JPH3: variants seen among roughly 807,000 people sequenced by gnomAD.
JPH3 encodes junctophilin-3.
A neutral mutation model predicts 59.6 loss-of-function variants in JPH3; 11 were observed. That is an observed-to-expected ratio of 0.18 (90% CI 0.12 to 0.31). The LOEUF is 0.31. Among genes scored for constraint, JPH3 ranks in the 10% least tolerant of loss-of-function variants. The pLI is 1.00. For synonymous variants in JPH3, 673 were observed against 483.6 expected (o/e 1.39, Z -5.14); for missense variants, 1,202 against 1,105.7 (o/e 1.09, Z -1.24).
chr16:87,659,403 A>C (rs1650689903), intron 2 of JPH3, among the ~76,000 whole-genome samples: 2 of 145,440 alleles, frequency 1.4e-5, no homozygotes, highest in Admixed American at 1.4e-4. Flanking sequence ...AAAAAAGAAA[A>C]CTACACACAC....
intron 1 of JPH3, among the ~76,000 whole-genome samples, chr16:87,638,100 A>G (rs1331093834): frequency 6.6e-6 from 1 of 151,970 alleles, no homozygotes; most frequent in Non-Finnish European, 1.5e-5. Context: ...TTATAGTTTT[A>G]GTGAAGATGA....
At chr16:87,616,190 T>TGTG (rs2030950727) in intron 1 of JPH3, among the ~76,000 whole-genome samples, 8 of 116,048 alleles carry the variant, frequency 6.9e-5, no homozygotes, top group African/African-American at 2.1e-4. Context: ...CAATCTGGTT[T>TGTG]TGTGTGTGTG....
rs569623845 is a variant in JPH3, at chr16:87,644,426, C to T, written c.551C>T (p.Ala184Val). The change falls in exon 2 of 5, where the codon GCG (alanine) becomes GTG (valine). Residue 184 changes from alanine (A) to valine (V), a missense_variant. Coordinates refer to ENST00000284262, the MANE Select transcript of JPH3 (RefSeq NM_020655.4). ...GTALHPDASP[A>V]VAGSPAVSRG... ...GCGCTGCATCCCGACGCCTCTCCGG[C>T]GGTGGCCGGCAGCCCGGCCGTGTCC... 6.3e-5 allele frequency: 102 copies of T among 1,612,046 alleles called. No homozygotes were observed. The highest frequency in any genetic ancestry group is 2.7e-4 in the Admixed American group (16 of 59,968).
intron 2 of JPH3, among the ~76,000 whole-genome samples, chr16:87,675,256 CTT>C (rs2150869073): frequency 6.8e-6 from 1 of 147,996 alleles, no homozygotes; most frequent in Admixed American, 6.8e-5. Flanking sequence ...CTGGAGCTCT[CTT>C]CCCCTTGCCA....
At position 87,697,174 on chromosome 16, in the gene JPH3, G is replaced by T. The variant is rs1316372958; in HGVS notation, c.*514G>T. On this transcript the variant is annotated 3_prime_UTR_variant, in exon 5 of 5. Coordinates refer to ENST00000284262, the MANE Select transcript of JPH3 (RefSeq NM_020655.4). ...GCATGGGGCAGGGTGGCCCACCCCA[G>T]TGGGCAGTAGCCTGGCCTTTTTCTG... 5.6e-6 allele frequency: 1 copy of T among 179,814 alleles called. No individual in the cohort carries two copies. Among genetic ancestry groups the T allele is most frequent in the East Asian group, 1.4e-4 (1 of 7,246 alleles). 11.1% of individuals were successfully genotyped at this position (179,814 alleles called of 1,614,324 possible). A position where few individuals can be genotyped will look rare whatever the true frequency, so the allele number is the denominator to read the frequency against.
At chr16:87,653,399 G>A (rs2032390615) in intron 2 of JPH3, among the ~76,000 whole-genome samples, 1 of 152,252 alleles carries the variant, frequency 6.6e-6, no homozygotes, top group Admixed American at 6.5e-5. Context: ...ATCCCTGCTG[G>A]CCATGCCTGG....
chr16:87,612,149 G>T (rs1597234064), intron 1 of JPH3, among the ~76,000 whole-genome samples: 1 of 152,238 alleles, frequency 6.6e-6, no homozygotes, highest in African/African-American at 2.4e-5. Flanking sequence ...TCAGACGGGG[G>T]CTGGCTCCGT....
Position 87,602,793 on chromosome 16 carries a change from C to G in JPH3, c.-354C>G, listed in dbSNP as rs1159389167. Reference sequence around the variant, plus strand: ...CGCGGCGCCCTCCCCGCGGGGCTGCCGGCGAGGGGCCCTCTCGCCGCTGAG... The same window carrying G: ...CGCGGCGCCCTCCCCGCGGGGCTGCGGGCGAGGGGCCCTCTCGCCGCTGAG... On this transcript the variant is annotated 5_prime_UTR_variant, in exon 1 of 5. Transcript: ENST00000284262. The G allele has an allele frequency of 1.5e-5, 2 of 134,068 alleles. No homozygotes were observed. Among genetic ancestry groups the G allele is most frequent in the African/African-American group, 2.7e-5 (1 of 36,886 alleles). The allele number at this position is 134,068 out of a possible 1,614,324, so 8.3% of individuals were successfully genotyped here. A position where few individuals can be genotyped will look rare whatever the true frequency, so the allele number is the denominator to read the frequency against.
chr16:87,609,345 C>A (rs1419999612), intron 1 of JPH3, among the ~76,000 whole-genome samples: 1 of 152,160 alleles, frequency 6.6e-6, no homozygotes, highest in East Asian at 1.9e-4. Context: ...TGGCTCATTG[C>A]AACCTCTGCC....
chr16:87,680,359 C>T (rs148861640), intron 2 of JPH3, among the ~76,000 whole-genome samples: 1,685 of 152,332 alleles, frequency 0.011, 27 homozygotes, highest in African/African-American at 0.038. Context: ...GGGCTGCGCC[C>T]GGAAGGAAGC....
At chr16:87,644,109 G>T in intron 1 of JPH3, 149 bp from the exon 2 acceptor site, 1 of 832,986 alleles carries the variant, frequency 1.2e-6, no homozygotes, top group Non-Finnish European at 1.9e-6. Context: ...CTGCACTCCA[G>T]CCTGGGCAAC....
chr16:87,685,294 G>C (rs754888765), intron 3 of JPH3, among the ~76,000 whole-genome samples: 1 of 152,206 alleles, frequency 6.6e-6, no homozygotes. Flanking sequence ...ACGAGCCCCC[G>C]CACCCCCACC....
intron 1 of JPH3, among the ~76,000 whole-genome samples, chr16:87,638,356 A>G (rs11117290): frequency 0.38 from 57,591 of 152,088 alleles, 11,042 homozygotes; most frequent in South Asian, 0.45. Flanking sequence ...GTGAACAGAC[A>G]CGTTCACTGG....
In JPH3 at chr16:87,644,830, C is replaced by A. The variant is rs148131421; in HGVS notation, c.955C>A (p.Arg319=). ...GTACGAGGGCGAGTGGGCCAGCAAC[C>A]GGCGCCATGGCTACGGCTGCATGAC... The part of the protein sequence containing the change: ...LKYEGEWASN[R]RHGYGCMTFP... Residue 319 remains arginine (R), a synonymous_variant, in exon 2 of 5, where the codon CGG becomes AGG. Transcript: ENST00000284262. The A allele has an allele frequency of 1.3e-3, 2,059 of 1,613,304 alleles. 1 individual carries two copies. Among genetic ancestry groups the A allele is most frequent in the Non-Finnish European group, 1.6e-3 (1,864 of 1,179,886 alleles).
chr16:87,639,125 C>T (rs1428905951), intron 1 of JPH3, among the ~76,000 whole-genome samples: 1 of 152,148 alleles, frequency 6.6e-6, no homozygotes, highest in Non-Finnish European at 1.5e-5. Context: ...AGGGCTTTTG[C>T]GATGATCATA....
intron 1 of JPH3, among the ~76,000 whole-genome samples, chr16:87,629,423 T>G (rs1253194716): frequency 6.4e-5 from 6 of 93,120 alleles, no homozygotes; most frequent in Admixed American, 1.1e-4. Flanking sequence ...TCTTTGTGGG[T>G]TTTTTTTTTT....
At chr16:87,653,415 A>C (rs2032391513) in intron 2 of JPH3, 1 of 152,088 alleles carries the variant, frequency 6.6e-6, no homozygotes, top group Admixed American at 6.6e-5. Context: ...CCTGGAGCTG[A>C]GGGTGGAGGG....
rs536647870 is a variant in JPH3 at position 87,624,427 on chromosome 16, G to A, written c.383-19831G>A. Among the ~76,000 whole-genome samples the A allele has an allele frequency of 1.5e-3, 234 of 152,320 alleles. 1 individual carries two copies. The highest frequency in any genetic ancestry group is 5.5e-3 in the African/African-American group (229 of 41,568). Reference sequence around the variant, plus strand: ...AGTCATACGCTGAGAGGCCTTTTGTGTGTCGCTTCTGTTGCCCAGCGTTGT... The same window carrying A: ...AGTCATACGCTGAGAGGCCTTTTGTATGTCGCTTCTGTTGCCCAGCGTTGT... On this transcript the variant is annotated intron_variant, in intron 1 of 4. Coordinates refer to ENST00000284262, the MANE Select transcript of JPH3 (RefSeq NM_020655.4).
intron 2 of JPH3, among the ~76,000 whole-genome samples, chr16:87,665,579 C>T (rs13331192): frequency 0.24 from 36,106 of 152,144 alleles, 4,965 homozygotes; most frequent in African/African-American, 0.34. Flanking sequence ...GGCCTAGAGG[C>T]GTGGCGCTCC....
Sources: allele counts gnomAD v4.1 joint callset (sites outside exome capture counted in the v4.1 genomes callset), GRCh38; gene constraint gnomAD v4.1.1; transcripts MANE v1.5; gene names NCBI Gene and HGNC (gene_info 2026-07-23, HGNC 2026-07-21).